The following CD36 variants were observed in gnomAD, a reference collection of about 807,000 sequenced individuals.
CD36 encodes platelet glycoprotein 4.
CD36 carries 119 observed loss-of-function variants against 55.2 expected under a neutral mutation model. The observed-to-expected ratio is 2.15, with a 90% CI of 1.86 to 2.51. The LOEUF is 2.51. CD36 is among the 30% of genes most tolerant of loss of function. The probability of loss-of-function intolerance (pLI) is 0.00; values close to 1 mark genes in which losing one functional copy is unlikely to be tolerated. For synonymous variants in CD36, 186 were observed against 193.6 expected, an observed-to-expected ratio of 0.96 and a Z score of 0.33; for missense variants, 819 against 555.5, an observed-to-expected ratio of 1.47 and a Z score of -4.77.
At chr7:80,609,896 T>G (rs1002608470) in intron 1 of CD36, among the ~76,000 whole-genome samples, 1 of 152,184 alleles carries the variant, frequency 6.6e-6, no homozygotes, top group Non-Finnish European at 1.5e-5. Context: ...AGAATTTGGT[T>G]CAGGTTACAA....
At chr7:80,639,661 G>A (rs150903096) in intron 1 of CD36, among the ~76,000 whole-genome samples, 1,823 of 152,028 alleles carry the variant, frequency 0.012, 37 homozygotes, top group African/African-American at 0.041. Flanking sequence ...GTACTTTTTA[G>A]TCTTTTTCTG....
At chr7:80,672,355 AATC>A (rs1333601931) in intron 11 of CD36, among the ~76,000 whole-genome samples, 2 of 151,862 alleles carry the variant, frequency 1.3e-5, no homozygotes. Flanking sequence ...CAACAGTTTT[AATC>A]ATCTTTATTT....
chr7:80,613,890 A>G (rs1793009643), intron 1 of CD36, among the ~76,000 whole-genome samples: 1 of 152,182 alleles, frequency 6.6e-6, no homozygotes, highest in East Asian at 1.9e-4. Flanking sequence ...AGTATATTTT[A>G]TACAGAACCA....
intron 1 of CD36, among the ~76,000 whole-genome samples, chr7:80,627,304 C>T (rs1405294681): frequency 2.0e-5 from 3 of 152,018 alleles, no homozygotes; most frequent in South Asian, 2.1e-4. Flanking sequence ...CTGTGGTTGA[C>T]GATATGTCTC....
upstream of CD36, among the ~76,000 whole-genome samples, chr7:80,634,437 A>T (rs1371869921): frequency 6.6e-6 from 1 of 152,140 alleles, no homozygotes; most frequent in Non-Finnish European, 1.5e-5. Flanking sequence ...ATATTCTTGT[A>T]TCTGCATATA....
intron 1 of CD36, among the ~76,000 whole-genome samples, chr7:80,628,062 T>A (rs1562778756): frequency 6.6e-6 from 1 of 151,988 alleles, no homozygotes; most frequent in Non-Finnish European, 1.5e-5. Context: ...AAAACGCACA[T>A]CTGGAAAATC....
intron 1 of CD36, among the ~76,000 whole-genome samples, chr7:80,627,191 A>G (rs1793791316): frequency 6.6e-6 from 1 of 152,074 alleles, no homozygotes; most frequent in African/African-American, 2.4e-5. Flanking sequence ...ATTTGATTAT[A>G]TTTTAAATTT....
chr7:80,662,239 G>A (rs1244486463), intron 5 of CD36: 1 of 152,600 alleles, frequency 6.6e-6, no homozygotes, highest in African/African-American at 2.4e-5. Flanking sequence ...CTTGGGAGTA[G>A]GCCAAAAGGA....
At chr7:80,662,913 ATATTAGCATTTAATCCATT>A in intron 5 of CD36, 58 bp from the exon 6 acceptor site, 1 of 1,190,594 alleles carries the variant, frequency 8.4e-7, no homozygotes, top group Non-Finnish European at 1.2e-6. Flanking sequence ...ATTAAGCTCA[ATATTAGCATTTAATCCATT>A]TATTTGTTAA....
intron 13 of CD36, 175 bp from the exon 14 acceptor site, chr7:80,673,808 T>G: frequency 1.5e-6 from 1 of 650,488 alleles, no homozygotes; most frequent in Admixed American, 2.2e-5. Flanking sequence ...TACCGTACTC[T>G]ATCTGGCACT....
rs11983805 is a variant in CD36, at chr7:80,609,766, A to C, written c.-184+7387A>C. On this transcript the variant is annotated intron_variant, in intron 1 of 13. Coordinates refer to the CD36 transcript ENST00000309881. ...TCACACGTAATCTGAAGATTTCAAC[A>C]ACAAGAGCTTGATAGGAGACATAAT... is the stretch of plus-strand genomic sequence containing the variant. Among the ~76,000 whole-genome samples, 1,150 of 152,374 alleles carry C rather than the reference A, an allele frequency of 7.5e-3. 5 individuals carry two copies. The highest frequency in any genetic ancestry group is 0.037 in the Middle Eastern group (11 of 294).
chr7:80,632,967 G>A (rs1183785201), intron 1 of CD36, among the ~76,000 whole-genome samples: 4 of 151,812 alleles, frequency 2.6e-5, no homozygotes, highest in Non-Finnish European at 5.9e-5. Flanking sequence ...AAAACTAGGT[G>A]CTCATCAACT....
intron 1 of CD36, among the ~76,000 whole-genome samples, chr7:80,627,190 T>C (rs917396895): frequency 6.6e-6 from 1 of 152,110 alleles, no homozygotes; most frequent in African/African-American, 2.4e-5. Context: ...CATTTGATTA[T>C]ATTTTAAATT....
Position 80,672,039 on chromosome 7 carries a change from C to CTGTAAGAAAACACCTTAT in CD36, c.1125+2_1125+19dup. 2 of 1,604,062 alleles carry CTGTAAGAAAACACCTTAT rather than the reference C, an allele frequency of 1.2e-6. No individual in the cohort carries two copies. The highest frequency in any genetic ancestry group is 1.7e-6 in the Non-Finnish European group (2 of 1,172,734). On this transcript the variant is annotated inframe_insertion and splice_region_variant, in exon 11 of 15. Transcript: ENST00000447544. ...CATAGGACATACTTGGATATTGAAC[C>CTGTAAGAAAACACCTTAT]TGTAAGAAAACACCTTATTGATCTG... is the stretch of plus-strand genomic sequence containing the variant.
intron 4 of CD36, among the ~76,000 whole-genome samples, chr7:80,657,660 T>C (rs1796197744): frequency 6.6e-6 from 1 of 152,174 alleles, no homozygotes; most frequent in Non-Finnish European, 1.5e-5. Context: ...CTCTGTCTTT[T>C]TCACTAAAAA....
rs1794598452 is a variant in CD36, at chr7:80,638,702, A to G, written c.-228A>G. 6.6e-6 allele frequency: 1 copy of G among 151,850 alleles called. No individual in the cohort carries two copies. Among genetic ancestry groups the G allele is most frequent in the Non-Finnish European group, 1.5e-5 (1 of 67,932 alleles). 9.4% of individuals were successfully genotyped at this position (151,850 alleles called of 1,614,324 possible). ...TTTGATCCTATTAAGAATTGTCCAA[A>G]TGTTGGAGCATTTGATTGAAAAATC... is the stretch of plus-strand genomic sequence containing the variant. On this transcript the variant is annotated 5_prime_UTR_variant, in exon 1 of 15. It removes an upstream start codon present in the reference 5' UTR. Transcript: ENST00000447544.
At chr7:80,647,258 C>CTCTGTGTG (rs1554337276) in intron 3 of CD36, 1 of 202,902 alleles carries the variant, frequency 4.9e-6, no homozygotes, top group South Asian at 7.3e-5. Flanking sequence ...AAAAGTAAAA[C>CTCTGTGTG]TGTGTGTGTG....
chr7:80,645,030 T>A lies in CD36; in HGVS notation c.-183-1058T>A, dbSNP rs888804991. ...GTATTCTTTCTTCCAATCTTTTTTT[T>A]TTTTTTTGAGATGGAGTTTCACTCT... On this transcript the variant is annotated intron_variant, in intron 1 of 14. Transcript: ENST00000447544. Among the ~76,000 whole-genome samples the A allele has an allele frequency of 3.3e-3, 502 of 151,888 alleles. 5 individuals are homozygous for A. The highest frequency in any genetic ancestry group is 0.012 in the African/African-American group (483 of 41,496).
intron 1 of CD36, among the ~76,000 whole-genome samples, chr7:80,644,915 A>C (rs1795045105): frequency 6.6e-6 from 1 of 152,168 alleles, no homozygotes. Context: ...ATGTCATTGC[A>C]ACAACAAAGA....
Sources: gnomAD v4.1 joint callset for allele counts (sites outside exome capture counted in the v4.1 genomes callset) on GRCh38, gnomAD v4.1.1 for gene constraint, MANE v1.5 for transcripts, NCBI Gene and HGNC (gene_info 2026-07-23, HGNC 2026-07-21) for gene names.